The following KCNMA1 variants were observed in gnomAD, a reference collection of about 807,000 sequenced individuals.
KCNMA1 encodes Calcium-activated potassium channel subunit alpha-1.
In KCNMA1, 29 loss-of-function variants were observed where a neutral mutation model predicts 140.0. The observed-to-expected ratio is 0.21, with a 90% CI of 0.15 to 0.28. The LOEUF (loss-of-function observed/expected upper bound fraction) is 0.28. Among genes scored for constraint, KCNMA1 ranks in the 10% least tolerant of loss-of-function variants. KCNMA1 has a pLI of 1.00. For missense variants in KCNMA1, 880 were observed against 1,602.2 expected (o/e 0.55, Z 7.70); for synonymous variants, 612 against 611.9 (o/e 1.00, Z 0.00).
chr10:77,024,744 T>C (rs2093238496), intron 16 of KCNMA1, among the ~76,000 whole-genome samples: 1 of 152,042 alleles, frequency 6.6e-6, no homozygotes, highest in South Asian at 2.1e-4. Context: ...ACTCTGTAAA[T>C]CAAGTGTGAT....
chr10:77,361,770 G>T lies in KCNMA1; in HGVS notation c.540+42092C>A, dbSNP rs145535613. ...TTCTGCGGCCTGGCAGGACAGGGTG[G>T]CCACTGCCCGTGGCTGGCCCAGAAG... On this transcript the variant is annotated intron_variant, in intron 2 of 27. Transcript: ENST00000286628. Among the ~76,000 whole-genome samples the T allele has an allele frequency of 7.5e-3, 1,140 of 152,342 alleles. 15 individuals are homozygous for T. The highest frequency in any genetic ancestry group is 0.026 in the African/African-American group (1,087 of 41,586).
At chr10:77,172,920 A>G (rs1350108032) in intron 5 of KCNMA1, among the ~76,000 whole-genome samples, 1 of 151,994 alleles carries the variant, frequency 6.6e-6, no homozygotes. Flanking sequence ...GCATGGTGGG[A>G]GGGACAAACA....
intron 2 of KCNMA1, among the ~76,000 whole-genome samples, chr10:77,397,363 T>C (rs1427171566): frequency 6.6e-6 from 1 of 152,214 alleles, no homozygotes; most frequent in Non-Finnish European, 1.5e-5. Flanking sequence ...TAAAACGTTG[T>C]ATTGACATAT....
intron 19 of KCNMA1, among the ~76,000 whole-genome samples, chr10:76,972,457 T>A (rs2076346679): frequency 6.6e-6 from 1 of 152,194 alleles, no homozygotes; most frequent in Non-Finnish European, 1.5e-5. Context: ...ATTGGGCCTA[T>A]AACAAATAAT....
intron 1 of KCNMA1, among the ~76,000 whole-genome samples, chr10:77,411,503 G>A (rs1211560077): frequency 6.6e-6 from 1 of 152,186 alleles, no homozygotes; most frequent in African/African-American, 2.4e-5. Context: ...TTAAGTAGCT[G>A]GCCCAGGAAG....
intron 23 of KCNMA1, among the ~76,000 whole-genome samples, chr10:76,916,130 AAGG>A (rs1183078712): frequency 4.6e-5 from 7 of 152,300 alleles, no homozygotes; most frequent in Admixed American, 4.6e-4. Flanking sequence ...CTAAATGGAG[AAGG>A]AGTTTACTTG....
intron 16 of KCNMA1, chr10:77,025,544 T>G (rs917567106): frequency 1.8e-6 from 2 of 1,112,762 alleles, no homozygotes; most frequent in African/African-American, 1.5e-5. Flanking sequence ...ATAAAACCTT[T>G]GTTTCAAATC....
chr10:77,534,705 G>A (rs935466891), intron 1 of KCNMA1, among the ~76,000 whole-genome samples: 11 of 152,126 alleles, frequency 7.2e-5, no homozygotes, highest in Non-Finnish European at 1.2e-4. Flanking sequence ...ACAACAGAAC[G>A]ACTACAGTTA....
chr10:77,332,523 C>T lies in KCNMA1; in HGVS notation c.540+71339G>A, dbSNP rs369682376. 1.3e-3 allele frequency among the ~76,000 whole-genome samples: 202 copies of T among 152,310 alleles called. 2 individuals are homozygous for T. The South Asian group carries it at 0.041, about 31-fold the overall frequency. ...TGCATGCACAGACCAGAAACCCCAC[C>T]TCCCCACCTGCTGCTGTTACCCTAG... On this transcript the variant is annotated intron_variant, in intron 2 of 27. Coordinates refer to ENST00000286628, the MANE Select transcript of KCNMA1 (RefSeq NM_001161352.2).
chr10:77,632,408 C>A (rs949390182), intron 1 of KCNMA1, among the ~76,000 whole-genome samples: 14 of 152,170 alleles, frequency 9.2e-5, no homozygotes, highest in Non-Finnish European at 2.1e-4. Flanking sequence ...GGGTACAATG[C>A]TGGACAACCA....
At chr10:77,391,767 C>G (rs996411234) in intron 2 of KCNMA1, among the ~76,000 whole-genome samples, 1 of 151,920 alleles carries the variant, frequency 6.6e-6, no homozygotes, top group Non-Finnish European at 1.5e-5. Flanking sequence ...AACATAGCCT[C>G]GTAAACTAAA....
intron 23 of KCNMA1, among the ~76,000 whole-genome samples, chr10:76,926,496 T>A (rs528591282): frequency 8.5e-5 from 13 of 152,276 alleles, no homozygotes; most frequent in African/African-American, 2.6e-4. Flanking sequence ...AACAGGGTTG[T>A]AAGCTGACAG....
chr10:76,956,860 G>A (rs555651383), intron 20 of KCNMA1, among the ~76,000 whole-genome samples: 90 of 152,096 alleles, frequency 5.9e-4, no homozygotes, highest in Non-Finnish European at 1.2e-3. Context: ...TGGTGGCTCA[G>A]GCCTGTAATC....
At position 77,243,263 on chromosome 10, in the gene KCNMA1, A is replaced by G. The variant is rs575381345; in HGVS notation, c.602+7932T>C. 7.9e-5 allele frequency among the ~76,000 whole-genome samples: 12 copies of G among 152,232 alleles called. 1 individual carries two copies. Among genetic ancestry groups the G allele is most frequent in the Admixed American group, 7.8e-4 (12 of 15,288 alleles). ...AGCACTGCCCTTGTGTTTGGATTAA[A>G]CTGTTCTGAGCTATAACATTTCGCT... is the stretch of plus-strand genomic sequence containing the variant. On this transcript the variant is annotated intron_variant, in intron 3 of 27. Coordinates refer to ENST00000286628, the MANE Select transcript of KCNMA1 (RefSeq NM_001161352.2).
intron 2 of KCNMA1, among the ~76,000 whole-genome samples, chr10:77,283,144 G>A (rs1268840257): frequency 6.6e-6 from 1 of 152,228 alleles, no homozygotes; most frequent in East Asian, 1.9e-4. Context: ...TGAGTTAAAG[G>A]AGATGTTGGG....
intron 2 of KCNMA1, among the ~76,000 whole-genome samples, chr10:77,267,885 A>G (rs1455838326): frequency 6.6e-6 from 1 of 152,216 alleles, no homozygotes; most frequent in African/African-American, 2.4e-5. Flanking sequence ...CAAGAATACC[A>G]TAAAAGGAAT....
chr10:77,012,611 C>A, intron 17 of KCNMA1: 1 of 1,414,006 alleles, frequency 7.1e-7, no homozygotes, highest in Non-Finnish European at 9.8e-7. Flanking sequence ...CTGTCAAACC[C>A]CCTCTGGAGT....
At chr10:77,001,634 G>A in intron 18 of KCNMA1, 54 bp from the exon 19 acceptor site, 1 of 1,432,056 alleles carries the variant, frequency 7.0e-7, no homozygotes, top group African/African-American at 1.4e-5. Context: ...TAATGGCAAG[G>A]TCACACACAG....
intron 2 of KCNMA1, among the ~76,000 whole-genome samples, chr10:77,310,283 T>G (rs925868319): frequency 3.7e-4 from 57 of 152,136 alleles, no homozygotes; most frequent in African/African-American, 1.3e-3. Context: ...CAGCTGCCCC[T>G]GCTGCTGCAG....
Sources: allele counts gnomAD v4.1 joint callset (sites outside exome capture counted in the v4.1 genomes callset), GRCh38; gene constraint gnomAD v4.1.1; transcripts MANE v1.5; gene names NCBI Gene and HGNC (gene_info 2026-07-23, HGNC 2026-07-21).